Variants in MARCO observed in about 807,000 individuals in gnomAD.
The protein encoded by MARCO is macrophage receptor MARCO.
Under a neutral mutation model 70.0 loss-of-function variants are expected in MARCO, and 72 were observed. That is an observed-to-expected ratio of 1.03 (90% CI 0.85 to 1.25). The LOEUF (loss-of-function observed/expected upper bound fraction) is 1.25. MARCO is among the 50% of genes most tolerant of loss of function. MARCO has a pLI of 0.00. For synonymous variants in MARCO, 273 were observed against 243.1 expected, an observed-to-expected ratio of 1.12 and a Z score of -1.14; for missense variants, 696 against 659.3, an observed-to-expected ratio of 1.06 and a Z score of -0.61.
chr2:118,977,575 T>TGGGGGG, intron 7 of MARCO, 60 bp downstream of exon 7: 1 of 1,432,656 alleles, frequency 7.0e-7, no homozygotes, highest in Non-Finnish European at 9.8e-7. Flanking sequence ...CTGAGGCAGT[T>TGGGGGG]CCCCCCCACC....
At chr2:118,955,107 T>C (rs921728779) in intron 1 of MARCO, among the ~76,000 whole-genome samples, 1 of 151,158 alleles carries the variant, frequency 6.6e-6, no homozygotes, top group Non-Finnish European at 1.5e-5. Flanking sequence ...AAGAAATCCC[T>C]GATTTACCTG....
chr2:118,956,853 T>A (rs138994117), intron 1 of MARCO, among the ~76,000 whole-genome samples: 6,502 of 152,148 alleles, frequency 0.043, 484 homozygotes, highest in African/African-American at 0.15. Flanking sequence ...TTCAAAGCCA[T>A]GCAAATACAT....
At chr2:118,961,843 T>A (rs776778287) in intron 1 of MARCO, among the ~76,000 whole-genome samples, 4 of 152,208 alleles carry the variant, frequency 2.6e-5, no homozygotes, top group Non-Finnish European at 5.9e-5. Flanking sequence ...AGGGTTTTTA[T>A]AGTTTTGGGT....
intron 1 of MARCO, among the ~76,000 whole-genome samples, chr2:118,943,089 C>A (rs1156439720): frequency 2.0e-5 from 3 of 152,182 alleles, no homozygotes; most frequent in African/African-American, 7.2e-5. Context: ...AGAACGTTCT[C>A]TTGGGATCAT....
At position 118,994,557 on chromosome 2, in the gene MARCO, C is replaced by T; in HGVS notation, c.*37C>T. The T allele has an allele frequency of 6.5e-7, 1 of 1,531,622 alleles. No individual in the cohort carries two copies. The highest frequency in any genetic ancestry group is 8.8e-7 in the Non-Finnish European group (1 of 1,141,774). 94.9% of individuals were successfully genotyped at this position (1,531,622 alleles called of 1,614,324 possible). A position where few individuals can be genotyped will look rare whatever the true frequency, so the allele number is the denominator to read the frequency against. Reference sequence around the variant, plus strand: ...TTTCACTTCTCTGCTCCCGAGGTGTCCTCGGGCTCATATGTGGGAAGGCAG... The same window carrying T: ...TTTCACTTCTCTGCTCCCGAGGTGTTCTCGGGCTCATATGTGGGAAGGCAG... On this transcript the variant is annotated 3_prime_UTR_variant, in exon 17 of 17. Coordinates refer to ENST00000327097, the MANE Select transcript of MARCO (RefSeq NM_006770.4).
chr2:118,950,989 TA>T (rs1679712227), intron 1 of MARCO, among the ~76,000 whole-genome samples: 1 of 152,368 alleles, frequency 6.6e-6, no homozygotes, highest in African/African-American at 2.4e-5. Context: ...TTGCTATTAA[TA>T]AGACCTAATT....
At chr2:118,951,141 A>T (rs1400218627) in intron 1 of MARCO, among the ~76,000 whole-genome samples, 1 of 152,200 alleles carries the variant, frequency 6.6e-6, no homozygotes, top group Non-Finnish European at 1.5e-5. Context: ...CTTCTACAAG[A>T]GTTTCCTTAT....
intron 12 of MARCO, among the ~76,000 whole-genome samples, chr2:118,982,823 G>T (rs918307640): frequency 6.6e-6 from 1 of 152,150 alleles, no homozygotes; most frequent in South Asian, 2.1e-4. Flanking sequence ...TTTTCCTAGG[G>T]GGGCAGCCTG....
rs1177127819 is a variant in MARCO, at chr2:118,991,796, A to C, written c.1128A>C (p.Gly376=). ...TTCCAGGCCCTGCAGGTGTGAAGGG[A>C]GAACAGGGGAGCCCAGGGCTGGCAG... ...SGVPGPAGVK[G]EQGSPGLAGP... The change falls in exon 14 of 17, where the codon GGA becomes GGC. Residue 376 remains glycine, a synonymous_variant. Transcript: ENST00000327097. 7 of 1,593,088 alleles carry C rather than the reference A, an allele frequency of 4.4e-6. No homozygotes were observed. The Admixed American group carries it at 1.2e-4, about 28-fold the overall frequency.
intron 1 of MARCO, among the ~76,000 whole-genome samples, chr2:118,948,253 T>C (rs1204446959): frequency 6.6e-6 from 1 of 152,190 alleles, no homozygotes; most frequent in Non-Finnish European, 1.5e-5. Context: ...AAAGCAGACA[T>C]ATTTATCCCT....
At chr2:118,969,710 G>A (rs1207570001) in intron 2 of MARCO, among the ~76,000 whole-genome samples, 2 of 152,212 alleles carry the variant, frequency 1.3e-5, no homozygotes, top group African/African-American at 4.8e-5. Context: ...CAAGAACGCT[G>A]AATGAGCAGT....
At chr2:118,986,536 A>G (rs542001182) in intron 12 of MARCO, among the ~76,000 whole-genome samples, 18 of 108,826 alleles carry the variant, frequency 1.7e-4, no homozygotes, top group Non-Finnish European at 2.7e-4. Flanking sequence ...GAAAGAAAGA[A>G]AGAGAGAGAG....
chr2:118,972,505 A>C (rs1157368425), intron 4 of MARCO, among the ~76,000 whole-genome samples: 1 of 152,140 alleles, frequency 6.6e-6, no homozygotes, highest in Non-Finnish European at 1.5e-5. Context: ...GCCTTGAGTA[A>C]GTCACCTAAC....
intron 4 of MARCO, among the ~76,000 whole-genome samples, chr2:118,972,361 T>C (rs546822228): frequency 6.6e-6 from 1 of 152,290 alleles, no homozygotes; most frequent in South Asian, 2.1e-4. Flanking sequence ...GGTCCCATAA[T>C]ATTTCAAGGA....
At chr2:118,970,581 C>T (rs1680147082) in intron 3 of MARCO, among the ~76,000 whole-genome samples, 2 of 152,168 alleles carry the variant, frequency 1.3e-5, no homozygotes, top group African/African-American at 2.4e-5. Context: ...CCACAGCTGA[C>T]TTACACTGAC....
chr2:118,955,744 CA>C (rs1327164776), intron 1 of MARCO, among the ~76,000 whole-genome samples: 2 of 152,198 alleles, frequency 1.3e-5, no homozygotes, highest in African/African-American at 4.8e-5. Context: ...ATCAGATTAA[CA>C]GCAGATTTCT....
chr2:118,943,687 G>A (rs1473801044), intron 1 of MARCO, among the ~76,000 whole-genome samples: 3 of 152,218 alleles, frequency 2.0e-5, no homozygotes, highest in Non-Finnish European at 2.9e-5. Flanking sequence ...AAAGAAGTTA[G>A]TGCCTGGGGC....
chr2:118,980,215 C>T (rs1488494704), intron 8 of MARCO, among the ~76,000 whole-genome samples: 1 of 152,212 alleles, frequency 6.6e-6, no homozygotes, highest in African/African-American at 2.4e-5. Context: ...TGCCGTTGGC[C>T]CCTTCTCCAG....
intron 1 of MARCO, among the ~76,000 whole-genome samples, chr2:118,951,694 T>C (rs1340787417): frequency 6.6e-6 from 1 of 152,262 alleles, no homozygotes; most frequent in East Asian, 1.9e-4. Context: ...TATAGGGTCA[T>C]GAAGAAGACT....
Sources: gnomAD v4.1 joint callset for allele counts (sites outside exome capture counted in the v4.1 genomes callset) on GRCh38, gnomAD v4.1.1 for gene constraint, MANE v1.5 for transcripts, NCBI Gene and HGNC (gene_info 2026-07-23, HGNC 2026-07-21) for gene names.